Variants in CPED1 observed in about 807,000 individuals in gnomAD.
CPED1 encodes cadherin-like and PC-esterase domain-containing protein 1.
In CPED1, 114 loss-of-function variants were observed where a neutral mutation model predicts 128.2. That is an observed-to-expected ratio of 0.89 (90% confidence interval 0.76 to 1.04). The LOEUF (loss-of-function observed/expected upper bound fraction) is 1.04, where lower values mean the gene tolerates loss of function less well. Among genes scored for constraint, CPED1 ranks in the 50% least tolerant of loss-of-function variants. The pLI is 0.00. For missense variants in CPED1, 1,211 were observed against 1,207.1 expected (o/e 1.00, Z -0.05); for synonymous variants, 462 against 426.7 (o/e 1.08, Z -1.02).
At chr7:121,173,650 G>A (rs552581849) in intron 16 of CPED1, among the ~76,000 whole-genome samples, 1 of 152,146 alleles carries the variant, frequency 6.6e-6, no homozygotes, top group South Asian at 2.1e-4. Context: ...CATTTAAGTG[G>A]ACTCCATGTC....
At chr7:121,284,727 G>GTGACCAC (rs1390031786) in intron 22 of CPED1, among the ~76,000 whole-genome samples, 2 of 152,224 alleles carry the variant, frequency 1.3e-5, no homozygotes, top group Non-Finnish European at 2.9e-5. Flanking sequence ...TCATGCTGAT[G>GTGACCAC]CAAGAGGTGG....
intron 16 of CPED1, 100 bp downstream of exon 16, chr7:121,142,241 TTGAAATCGAAACTG>T: frequency 9.0e-7 from 1 of 1,106,382 alleles, no homozygotes; most frequent in East Asian, 2.4e-5. Flanking sequence ...ATTGTATGCC[TTGAAATCGAAACTG>T]TGGTCTCATT....
At chr7:121,078,420 AG>A (rs774656446) in intron 5 of CPED1, among the ~76,000 whole-genome samples, 5 of 149,118 alleles carry the variant, frequency 3.4e-5, no homozygotes, top group Non-Finnish European at 4.4e-5. Flanking sequence ...CGACTTTTCT[AG>A]GAGGACTGCT....
intron 22 of CPED1, among the ~76,000 whole-genome samples, chr7:121,294,295 A>T (rs1792774820): frequency 6.6e-6 from 1 of 152,186 alleles, no homozygotes; most frequent in Non-Finnish European, 1.5e-5. Context: ...GAAATTTAGT[A>T]GCTTGGGGTG....
At chr7:121,113,993 A>C (rs1278519150) in intron 7 of CPED1, among the ~76,000 whole-genome samples, 1 of 151,884 alleles carries the variant, frequency 6.6e-6, no homozygotes, top group African/African-American at 2.4e-5. Context: ...CATGCCTGGC[A>C]AAGTTTTTTG....
At chr7:121,273,869 C>T (rs1445929756) in intron 22 of CPED1, among the ~76,000 whole-genome samples, 1 of 152,046 alleles carries the variant, frequency 6.6e-6, no homozygotes, top group African/African-American at 2.4e-5. Context: ...AGGGCTGTAG[C>T]CTGGAAGAGA....
chr7:121,214,572 G>A lies in CPED1; in HGVS notation c.2056-22142G>A, dbSNP rs557832489. 3.0e-4 allele frequency among the ~76,000 whole-genome samples: 46 copies of A among 152,152 alleles called. 1 individual carries two copies. In the Middle Eastern group the frequency reaches 0.01, roughly 34 times the overall value. The stretch of plus-strand genomic sequence containing the variant: ...GCCTCCCAAAGTGCTGGGATTACAG[G>A]TGTGAACAGCTGCACCTGGCCTGTC... On this transcript the variant is annotated intron_variant, in intron 16 of 22. Coordinates refer to ENST00000310396, the MANE Select transcript of CPED1 (RefSeq NM_024913.5).
chr7:121,056,722 TGTCATGG>T (rs1037949328), intron 4 of CPED1, among the ~76,000 whole-genome samples: 6 of 152,202 alleles, frequency 3.9e-5, no homozygotes, highest in African/African-American at 1.4e-4. Flanking sequence ...AACTTCTATT[TGTCATGG>T]GTTAAACCTC....
In CPED1 at chr7:121,254,950, A is replaced by T. The variant is rs867559289; in HGVS notation, c.2310+10612A>T. Among the ~76,000 whole-genome samples the T allele has an allele frequency of 2.6e-5, 4 of 151,890 alleles. No homozygotes were observed. In the South Asian group the frequency reaches 8.3e-4, roughly 31 times the overall value. Reference sequence around the variant, plus strand: ...CCAATCAAAACAAGACCTGACCCAGATGGATTCACAGCCAAATTCTACCAG... The same window carrying T: ...CCAATCAAAACAAGACCTGACCCAGTTGGATTCACAGCCAAATTCTACCAG... On this transcript the variant is annotated intron_variant, in intron 18 of 22. Transcript: ENST00000310396.
chr7:121,086,403 T>A (rs1027413380), intron 5 of CPED1, among the ~76,000 whole-genome samples: 16 of 152,352 alleles, frequency 1.1e-4, no homozygotes, highest in African/African-American at 3.4e-4. Flanking sequence ...TAAGGTATTT[T>A]GTTGTTTAAA....
At chr7:121,016,084 T>C (rs1051531900) in intron 3 of CPED1, among the ~76,000 whole-genome samples, 2 of 152,178 alleles carry the variant, frequency 1.3e-5, no homozygotes, top group Non-Finnish European at 2.9e-5. Context: ...CATTTTGGAG[T>C]TGTATAGTTC....
rs1792403902 is a variant in CPED1 at position 121,279,448 on chromosome 7, C to T, written c.2868+8018C>T. Among the ~76,000 whole-genome samples the T allele has an allele frequency of 2.0e-5, 3 of 147,932 alleles. No individual in the cohort carries two copies. In the Admixed American group the frequency reaches 2.0e-4, roughly 10 times the overall value. On this transcript the variant is annotated intron_variant, in intron 22 of 22. Transcript: ENST00000310396. ...GACATAAAGCTACTCACTCACTCCC[C>T]ACCCCCCGCCACAAAGAAAAAACAG...
At chr7:121,246,095 T>A (rs1311982460) in intron 18 of CPED1, among the ~76,000 whole-genome samples, 7 of 152,194 alleles carry the variant, frequency 4.6e-5, no homozygotes, top group Admixed American at 1.3e-4. Context: ...ACAGCCAGAC[T>A]TCTCTAAGCT....
chr7:121,135,940 T>A (rs1287339798), intron 13 of CPED1, 100 bp from the exon 14 acceptor site: 1 of 925,902 alleles, frequency 1.1e-6, no homozygotes, highest in Non-Finnish European at 1.5e-6. Context: ...AAAAGTTAAA[T>A]GAAAAACATG....
intron 22 of CPED1, among the ~76,000 whole-genome samples, chr7:121,285,487 A>G (rs959481848): frequency 1.3e-5 from 2 of 152,144 alleles, no homozygotes; most frequent in Non-Finnish European, 2.9e-5. Flanking sequence ...AATTTTTTAA[A>G]CTTTTAAGCT....
At chr7:121,191,392 G>A (rs1050003494) in intron 16 of CPED1, among the ~76,000 whole-genome samples, 1 of 152,100 alleles carries the variant, frequency 6.6e-6, no homozygotes, top group African/African-American at 2.4e-5. Context: ...AGATGATTTC[G>A]AAGGACCAGT....
At chr7:121,209,479 T>G (rs1797597247) in intron 16 of CPED1, among the ~76,000 whole-genome samples, 1 of 152,028 alleles carries the variant, frequency 6.6e-6, no homozygotes, top group African/African-American at 2.4e-5. Flanking sequence ...GTGGAACATC[T>G]TACTATTGAC....
At chr7:121,154,623 A>G (rs1291606551) in intron 16 of CPED1, among the ~76,000 whole-genome samples, 2 of 151,862 alleles carry the variant, frequency 1.3e-5, no homozygotes, top group Admixed American at 1.3e-4. Context: ...TTGGCTCACT[A>G]CAACCTCCAG....
intron 16 of CPED1, among the ~76,000 whole-genome samples, chr7:121,202,119 A>G (rs146293054): frequency 1.5e-3 from 227 of 152,268 alleles, no homozygotes; most frequent in African/African-American, 4.9e-3. Context: ...CTCAGTAAGC[A>G]TCTCCAGAAC....
Sources: gnomAD v4.1 joint callset for allele counts (sites outside exome capture counted in the v4.1 genomes callset) on GRCh38, gnomAD v4.1.1 for gene constraint, MANE v1.5 for transcripts, NCBI Gene and HGNC (gene_info 2026-07-23, HGNC 2026-07-21) for gene names.